GRID1: variants seen among roughly 807,000 people sequenced by gnomAD.
GRID1 encodes glutamate receptor ionotropic, delta-1.
A neutral mutation model predicts 98.0 loss-of-function variants in GRID1; 28 were observed. That is an observed-to-expected ratio of 0.29 (90% CI 0.21 to 0.39). GRID1 has a LOEUF of 0.39. GRID1 is among the 10% of genes least tolerant of loss of function. GRID1 has a pLI of 1.00. For missense variants in GRID1, 1,111 were observed against 1,340.5 expected, an observed-to-expected ratio of 0.83 and a Z score of 2.67; for synonymous variants, 553 against 538.5, an observed-to-expected ratio of 1.03 and a Z score of -0.37.
chr10:86,058,012 G>A (rs888372586), intron 4 of GRID1, among the ~76,000 whole-genome samples: 33 of 152,300 alleles, frequency 2.2e-4, no homozygotes, highest in Non-Finnish European at 2.9e-4. Flanking sequence ...CATAGGTTAG[G>A]TGTCCCCAGA....
At chr10:85,784,914 C>T (rs1310268995) in intron 8 of GRID1, among the ~76,000 whole-genome samples, 1 of 152,178 alleles carries the variant, frequency 6.6e-6, no homozygotes, top group Non-Finnish European at 1.5e-5. Context: ...CATTTTCAGC[C>T]TCACTTTCCT....
chr10:86,129,540 G>T (rs183928172), intron 4 of GRID1, among the ~76,000 whole-genome samples: 1 of 152,222 alleles, frequency 6.6e-6, no homozygotes, highest in Non-Finnish European at 1.5e-5. Context: ...TGAGTTTCAG[G>T]GTCTGAATAT....
chr10:85,790,680 G>A (rs1418430363), intron 8 of GRID1, among the ~76,000 whole-genome samples: 2 of 152,232 alleles, frequency 1.3e-5, no homozygotes, highest in East Asian at 1.9e-4. Context: ...TGGTCCCCTC[G>A]CCTTCTGTCT....
At chr10:85,963,383 T>G (rs1842295424) in intron 4 of GRID1, among the ~76,000 whole-genome samples, 1 of 152,166 alleles carries the variant, frequency 6.6e-6, no homozygotes, top group Admixed American at 6.5e-5. Flanking sequence ...CAGTCCTCTT[T>G]CCTAAGACTC....
intron 4 of GRID1, among the ~76,000 whole-genome samples, chr10:86,121,141 C>T (rs1186108859): frequency 3.3e-5 from 5 of 152,150 alleles, no homozygotes; most frequent in Middle Eastern, 3.2e-3. Context: ...CAGACAACAT[C>T]GTAAGTCAGG....
intron 6 of GRID1, 145 bp downstream of exon 6, chr10:85,868,865 G>C: frequency 1.5e-6 from 1 of 672,640 alleles, no homozygotes; most frequent in Non-Finnish European, 2.6e-6. Flanking sequence ...ACACTGCCCA[G>C]TCAACCGGTT....
At chr10:86,086,189 A>AC (rs1844053850) in intron 4 of GRID1, among the ~76,000 whole-genome samples, 1 of 150,470 alleles carries the variant, frequency 6.6e-6, no homozygotes, top group Non-Finnish European at 1.5e-5. Flanking sequence ...AGAACTCACC[A>AC]CCCTCCACAA....
chr10:85,882,364 G>C (rs1295912645), intron 5 of GRID1, among the ~76,000 whole-genome samples: 1 of 152,108 alleles, frequency 6.6e-6, no homozygotes, highest in Non-Finnish European at 1.5e-5. Context: ...CAAAGACTTG[G>C]AACCAACCCA....
chr10:86,334,292 T>C (rs1848193985), intron 2 of GRID1, among the ~76,000 whole-genome samples: 1 of 152,218 alleles, frequency 6.6e-6, no homozygotes, highest in Non-Finnish European at 1.5e-5. Flanking sequence ...CCTCATTTAC[T>C]GCTGCTGCTG....
chr10:86,096,117 T>A (rs1371107006), intron 4 of GRID1, among the ~76,000 whole-genome samples: 1 of 152,162 alleles, frequency 6.6e-6, no homozygotes, highest in Non-Finnish European at 1.5e-5. Context: ...AAATGTCATA[T>A]GTTCTCACTG....
chr10:85,857,613 C>G lies in GRID1; in HGVS notation c.952-1423G>C, dbSNP rs72842927. Among the ~76,000 whole-genome samples, 302 of 152,314 alleles carry G rather than the reference C, an allele frequency of 2.0e-3. 1 individual carries two copies. Among genetic ancestry groups the G allele is most frequent in the Admixed American group, 2.8e-3 (43 of 15,310 alleles). ...CCTCAGTCAGGTTTGTGGCCCCCCACTGATAACTGTTGCACAAACAACCCT... is the reference window on the plus strand; with the variant it reads ...CCTCAGTCAGGTTTGTGGCCCCCCAGTGATAACTGTTGCACAAACAACCCT... On this transcript the variant is annotated intron_variant, in intron 6 of 15. Transcript: ENST00000327946.
chr10:85,669,865 G>A (rs1841065292), intron 12 of GRID1, among the ~76,000 whole-genome samples: 1 of 152,192 alleles, frequency 6.6e-6, no homozygotes, highest in African/African-American at 2.4e-5. Context: ...AGCAATCAGT[G>A]AATGGAGCTT....
At chr10:85,781,690 A>G (rs972646579) in intron 8 of GRID1, among the ~76,000 whole-genome samples, 1 of 152,168 alleles carries the variant, frequency 6.6e-6, no homozygotes, top group African/African-American at 2.4e-5. Context: ...AGCATCTACT[A>G]CATGGCTGGC....
rs557551009 is a variant in GRID1 at position 85,657,093 on chromosome 10, C to T, written c.1998-9696G>A. 5.9e-5 allele frequency among the ~76,000 whole-genome samples: 9 copies of T among 152,280 alleles called. 1 individual carries two copies. In the South Asian group the frequency reaches 1.7e-3, roughly 28 times the overall value. ...TCTGTGGTTGTTTCTTAACCTTATC[C>T]TGGTTTACTCTTCCCTCAGATTTGT... On this transcript the variant is annotated intron_variant, in intron 12 of 15. Coordinates refer to ENST00000327946, the MANE Select transcript of GRID1 (RefSeq NM_017551.3).
At chr10:85,932,977 C>CA (rs1427761713) in intron 4 of GRID1, among the ~76,000 whole-genome samples, 2 of 151,986 alleles carry the variant, frequency 1.3e-5, no homozygotes, top group South Asian at 2.1e-4. Flanking sequence ...AATGTATCCC[C>CA]AAAAAAACAT....
chr10:85,729,659 G>T (rs542613369), intron 8 of GRID1, 45 bp from the exon 9 acceptor site: 4 of 1,232,496 alleles, frequency 3.2e-6, no homozygotes, highest in South Asian at 1.2e-5. Flanking sequence ...ACTGGCACCC[G>T]TGCACACCAT....
rs1035238777 is a variant in GRID1, at chr10:86,121,374, C to A, written c.726+17445G>T. ...CCACCATCATCACCACCAACACCAC[C>A]ATCTCACCATCATTTATCTCCATCG... On this transcript the variant is annotated intron_variant, in intron 4 of 15. Transcript: ENST00000327946. Among the ~76,000 whole-genome samples, 7 of 151,148 alleles carry A rather than the reference C, an allele frequency of 4.6e-5. No homozygotes were observed. In the South Asian group the frequency reaches 1.5e-3, roughly 32 times the overall value.
intron 12 of GRID1, among the ~76,000 whole-genome samples, chr10:85,716,222 T>G (rs1841637645): frequency 6.6e-6 from 1 of 152,170 alleles, no homozygotes; most frequent in Admixed American, 6.5e-5. Context: ...AACCTAACTT[T>G]TTATCTGCAA....
At chr10:85,733,937 G>T (rs969923472) in intron 8 of GRID1, among the ~76,000 whole-genome samples, 2 of 152,022 alleles carry the variant, frequency 1.3e-5, no homozygotes, top group Non-Finnish European at 2.9e-5. Context: ...ATTTTAACAG[G>T]ATTTTCACTA....
Sources: gnomAD v4.1 joint callset for allele counts (sites outside exome capture counted in the v4.1 genomes callset) on GRCh38, gnomAD v4.1.1 for gene constraint, MANE v1.5 for transcripts, NCBI Gene and HGNC (gene_info 2026-07-23, HGNC 2026-07-21) for gene names.